RARA: variants seen among roughly 807,000 people sequenced by gnomAD.
RARA encodes the protein PML-DDX5-RARA fusion.
RARA carries 5 observed loss-of-function variants against 42.8 expected under a neutral mutation model. The ratio of observed to expected loss-of-function variants is 0.12; its 90% confidence interval spans 0.06 to 0.25. The LOEUF (loss-of-function observed/expected upper bound fraction) is 0.25, where lower values mean the gene tolerates loss of function less well. Among genes scored for constraint, RARA ranks in the 10% least tolerant of loss-of-function variants. The pLI is 1.00. For missense variants in RARA, 402 were observed against 628.7 expected (o/e 0.64, Z 3.86); for synonymous variants, 256 against 259.5 (o/e 0.99, Z 0.13).
Position 40,351,184 on chromosome 17 carries a change from A to G in RARA, c.470-726A>G, listed in dbSNP as rs1276997956. Among the ~76,000 whole-genome samples, 3 of 150,442 alleles carry G rather than the reference A, an allele frequency of 2.0e-5. No homozygotes were observed. Among genetic ancestry groups the G allele is most frequent in the Admixed American group, 6.6e-5 (1 of 15,138 alleles). On this transcript the variant is annotated intron_variant, in intron 4 of 8. Coordinates refer to ENST00000254066, the MANE Select transcript of RARA (RefSeq NM_000964.4). The surrounding 1 kb of genome is among the most constrained non-coding windows in gnomAD (Gnocchi z 4.1). ...ACTTTATTGAATTTGCAGAATCGAC[A>G]TGAGTGATCTCCAAATTATGCCAGC...
At chr17:40,349,622 G>A in intron 3 of RARA, 162 bp from the exon 4 acceptor site, 1 of 816,586 alleles carries the variant, frequency 1.2e-6, no homozygotes, top group Non-Finnish European at 1.9e-6. Context: ...ATCCTTTTAG[G>A]TGAATCATTC....
intron 1 of RARA, among the ~76,000 whole-genome samples, chr17:40,316,773 G>A (rs2033222097): frequency 6.6e-6 from 1 of 152,034 alleles, no homozygotes; most frequent in African/African-American, 2.4e-5. Flanking sequence ...CATTCCTGCC[G>A]GCTGAGCGCA....
At position 40,352,173 on chromosome 17, in the gene RARA, G is replaced by A. The variant is rs575504655; in HGVS notation, c.630+103G>A. On this transcript the variant is annotated intron_variant, in intron 5 of 8. Transcript: ENST00000254066. The surrounding 1 kb of genome is among the most constrained non-coding windows in gnomAD (Gnocchi z 4.9). ...TTCTTGTGCCAGGCAAGATCTCTGC[G>A]TCCTTCCCTTCCCCTCTCTTCTCCC... is the stretch of plus-strand genomic sequence containing the variant. The A allele has an allele frequency of 2.2e-5, 32 of 1,475,924 alleles. No individual in the cohort carries two copies. The highest frequency in any genetic ancestry group is 3.6e-4 in the Middle Eastern group (2 of 5,562). The allele number at this position is 1,475,924 out of a possible 1,614,324, so 91.4% of individuals were successfully genotyped here.
intron 2 of RARA, 148 bp downstream of exon 2, chr17:40,331,544 G>C (rs1169454300): frequency 4.6e-5 from 49 of 1,064,792 alleles, no homozygotes. Flanking sequence ...CATCATTTGA[G>C]GTCTTAAAAA....
intron 2 of RARA, among the ~76,000 whole-genome samples, chr17:40,340,617 G>T (rs2034004756): frequency 6.6e-6 from 1 of 152,106 alleles, no homozygotes; most frequent in Non-Finnish European, 1.5e-5. Context: ...TCTTATGGTA[G>T]GTCTGTTTTA....
chr17:40,349,822 C>T lies in RARA; in HGVS notation c.366C>T (p.Tyr122=), dbSNP rs2143473578. Reference sequence around the variant, plus strand: ...GCAGCATCCAGAAGAACATGGTGTACACGTGTCACCGGGACAAGAACTGCA... The same window carrying T: ...GCAGCATCCAGAAGAACATGGTGTATACGTGTCACCGGGACAAGAACTGCA... ...FRRSIQKNMV[Y]TCHRDKNCII... is the part of the protein sequence containing the mutation. Residue 122 remains tyrosine (Y), a synonymous_variant, in exon 4 of 9, where the codon TAC becomes TAT. Coordinates refer to ENST00000254066, the MANE Select transcript of RARA (RefSeq NM_000964.4). The T allele has an allele frequency of 6.2e-7, 1 of 1,614,230 alleles. No individual in the cohort carries two copies.
At chr17:40,342,436 C>T (rs1306018214) in intron 2 of RARA, 3 of 1,199,584 alleles carry the variant, frequency 2.5e-6, no homozygotes, top group African/African-American at 1.6e-5. Context: ...GCTGAGTTCC[C>T]GGGCCCCGCC....
intron 1 of RARA, among the ~76,000 whole-genome samples, chr17:40,328,231 A>G (rs542157232): frequency 6.6e-6 from 1 of 152,136 alleles, no homozygotes; most frequent in South Asian, 2.1e-4. Context: ...TCTTCAACCA[A>G]ATGCTGGCCA....
chr17:40,317,365 C>A (rs962947350), intron 1 of RARA, among the ~76,000 whole-genome samples: 1 of 152,186 alleles, frequency 6.6e-6, no homozygotes, highest in African/African-American at 2.4e-5. Context: ...AACAGAGCTG[C>A]AGGCTGGGAG....
intron 1 of RARA, among the ~76,000 whole-genome samples, chr17:40,315,045 T>C (rs886759119): frequency 2.7e-5 from 4 of 148,956 alleles, no homozygotes; most frequent in Non-Finnish European, 1.5e-5. Context: ...ACATGTTTGA[T>C]TTGGAGTAAG....
At chr17:40,347,250 C>T (rs2034296423) in intron 2 of RARA, among the ~76,000 whole-genome samples, 1 of 152,160 alleles carries the variant, frequency 6.6e-6, no homozygotes, top group African/African-American at 2.4e-5. Flanking sequence ...CCTCATCCAT[C>T]CTTGGCCCTG....
intron 1 of RARA, among the ~76,000 whole-genome samples, chr17:40,313,726 A>G (rs2033139113): frequency 6.6e-6 from 1 of 151,814 alleles, no homozygotes; most frequent in Non-Finnish European, 1.5e-5. Context: ...GCCCACCCCC[A>G]ACGCACCAAG....
intron 1 of RARA, among the ~76,000 whole-genome samples, chr17:40,323,889 T>G (rs2033464939): frequency 1.3e-5 from 2 of 151,176 alleles, no homozygotes; most frequent in African/African-American, 4.9e-5. Context: ...GGTGGGATGC[T>G]GAGAGGGGGC....
At chr17:40,347,862 C>T (rs1261547562) in intron 2 of RARA, among the ~76,000 whole-genome samples, 2 of 151,932 alleles carry the variant, frequency 1.3e-5, no homozygotes, top group Admixed American at 6.6e-5. Context: ...GGGGAGTGGC[C>T]GGCTTTGAAT....
At chr17:40,309,686 C>T (rs944478571) in intron 1 of RARA, among the ~76,000 whole-genome samples, 14 of 152,244 alleles carry the variant, frequency 9.2e-5, no homozygotes, top group Admixed American at 6.5e-4. Context: ...CTGAGCTTTC[C>T]CAAGGGATTT....
At chr17:40,315,170 A>ATATATG (rs2033183375) in intron 1 of RARA, among the ~76,000 whole-genome samples, 1 of 133,674 alleles carries the variant, frequency 7.5e-6, no homozygotes, top group Non-Finnish European at 1.6e-5. Flanking sequence ...ATATATATAT[A>ATATATG]TACACACACA....
chr17:40,341,662 A>G (rs1392718174), intron 2 of RARA: 1 of 1,344,794 alleles, frequency 7.4e-7, no homozygotes, highest in African/African-American at 1.5e-5. Context: ...GAGTTCAGCG[A>G]GAGTTCAGCC....
chr17:40,318,852 C>G (rs1008275935), intron 1 of RARA, among the ~76,000 whole-genome samples: 4 of 152,232 alleles, frequency 2.6e-5, no homozygotes, highest in African/African-American at 9.6e-5. Flanking sequence ...CTCCTGTTAT[C>G]TGAGCTGCCC....
chr17:40,339,544 G>A (rs1028102155), intron 2 of RARA, among the ~76,000 whole-genome samples: 4 of 152,036 alleles, frequency 2.6e-5, no homozygotes, highest in South Asian at 2.1e-4. Context: ...TGCCCAGAAC[G>A]GGCCTCTTGC....
Sources: allele counts gnomAD v4.1 joint callset (sites outside exome capture counted in the v4.1 genomes callset), GRCh38; gene constraint gnomAD v4.1.1; non-coding constraint Gnocchi (gnomAD v3.1); transcripts MANE v1.5; gene names NCBI Gene and HGNC (gene_info 2026-07-23, HGNC 2026-07-21).